The following DOK6 variants were observed in gnomAD, a reference collection of about 807,000 sequenced individuals.
DOK6 encodes the protein downstream of tyrosine kinase 6.
Under a neutral mutation model 44.0 loss-of-function variants are expected in DOK6, and 22 were observed. The observed-to-expected ratio is 0.50, with a 90% confidence interval of 0.36 to 0.71. The LOEUF (loss-of-function observed/expected upper bound fraction) is 0.71, where lower values mean the gene tolerates loss of function less well. DOK6 is among the 30% of genes least tolerant of loss of function. DOK6 has a pLI of 0.00. For missense variants in DOK6, 340 were observed against 416.4 expected, an observed-to-expected ratio of 0.82 and a Z score of 1.60; for synonymous variants, 166 against 145.5, an observed-to-expected ratio of 1.14 and a Z score of -1.01.
intron 3 of DOK6, among the ~76,000 whole-genome samples, chr18:69,628,152 C>T (rs2144643470): frequency 2.0e-5 from 3 of 152,050 alleles, no homozygotes; most frequent in Middle Eastern, 6.8e-3. Flanking sequence ...TCATTTTTTG[C>T]AAGGTAAATA....
At chr18:69,602,075 A>C (rs898822836) in intron 3 of DOK6, among the ~76,000 whole-genome samples, 2 of 152,210 alleles carry the variant, frequency 1.3e-5, no homozygotes, top group Non-Finnish European at 2.9e-5. Flanking sequence ...ATTTATGTAG[A>C]TGCTCTGTCC....
intron 7 of DOK6, among the ~76,000 whole-genome samples, chr18:69,813,997 G>A (rs1981322526): frequency 6.6e-6 from 1 of 152,084 alleles, no homozygotes; most frequent in South Asian, 2.1e-4. Context: ...GATTAAGCAT[G>A]TGACCTGCCA....
intron 6 of DOK6, among the ~76,000 whole-genome samples, chr18:69,753,711 T>C (rs1293733138): frequency 1.3e-5 from 2 of 152,196 alleles, no homozygotes; most frequent in East Asian, 3.9e-4. Context: ...GAGCATCGTT[T>C]CTAAATCCTG....
chr18:69,678,371 T>C (rs1985971866), intron 4 of DOK6, among the ~76,000 whole-genome samples: 1 of 152,242 alleles, frequency 6.6e-6, no homozygotes, highest in South Asian at 2.1e-4. Flanking sequence ...GTCTGTGGCA[T>C]TGCCTTTTAT....
intron 1 of DOK6, among the ~76,000 whole-genome samples, chr18:69,463,449 A>T (rs959792475): frequency 6.6e-6 from 1 of 151,956 alleles, no homozygotes; most frequent in Non-Finnish European, 1.5e-5. Flanking sequence ...ATTGCTGTTT[A>T]CTGTTGGCTT....
chr18:69,768,758 C>T (rs75446818), intron 7 of DOK6, among the ~76,000 whole-genome samples: 48 of 151,766 alleles, frequency 3.2e-4, no homozygotes, highest in African/African-American at 1.1e-3. Context: ...TGGATATGTC[C>T]TTCACATCTA....
intron 1 of DOK6, among the ~76,000 whole-genome samples, chr18:69,467,496 A>C (rs1436703694): frequency 2.0e-5 from 3 of 152,188 alleles, no homozygotes; most frequent in African/African-American, 7.2e-5. Context: ...CTTTAGGTTT[A>C]TGTGAAACAT....
At chr18:69,435,041 A>AAGGAAGGAGGGAAGGAAGGAAGGAC (rs1568256532) in intron 1 of DOK6, among the ~76,000 whole-genome samples, 1 of 43,412 alleles carries the variant, frequency 2.3e-5, no homozygotes, top group East Asian at 7.8e-4. Context: ...GAAGGAAGGA[A>AAGGAAGGAGGGAAGGAAGGAAGGAC]GGAAGGAAGG....
At position 69,739,042 on chromosome 18, in the gene DOK6, C is replaced by A. The variant is rs150709681; in HGVS notation, c.677C>A (p.Ala226Glu). The stretch of plus-strand genomic sequence containing the variant: ...ATGATCTATCAGAAGGTTCATTCTG[C>A]GACACTGGCCATAGCTGAGCAACAT... ...GEMIYQKVHSATLAIAEQHER... is the reference protein window; with the variant it reads ...GEMIYQKVHSETLAIAEQHER... Residue 226 changes from alanine (A) to glutamate (E), a missense_variant, in exon 6 of 8, where the codon GCG becomes GAG. Physicochemically the swap from Ala to Glu is moderately radical, Grantham distance 107. Coordinates refer to ENST00000382713, the MANE Select transcript of DOK6 (RefSeq NM_152721.6). 1.2e-6 allele frequency: 2 copies of A among 1,614,068 alleles called. No individual in the cohort carries two copies. The highest frequency in any genetic ancestry group is 2.2e-5 in the South Asian group (2 of 91,082).
At chr18:69,732,153 T>G (rs942611499) in intron 5 of DOK6, among the ~76,000 whole-genome samples, 3 of 152,220 alleles carry the variant, frequency 2.0e-5, no homozygotes, top group Non-Finnish European at 4.4e-5. Flanking sequence ...ATATTGATAA[T>G]TTTCATTTGC....
Position 69,698,443 on chromosome 18 carries a change from A to G in DOK6, c.449A>G (p.Asp150Gly), listed in dbSNP as rs1419448353. 6.2e-7 allele frequency: 1 copy of G among 1,613,802 alleles called. No individual in the cohort carries two copies. ...TATCTTATGCCTACACCAAACCTGG[A>G]TATTTATGGTGAATGCACAATGCAG... ...NVYLMPTPNLDIYGECTMQIT... is the reference protein window; with the variant it reads ...NVYLMPTPNLGIYGECTMQIT... Residue 150 changes from aspartate (D) to glycine (G), a missense_variant, in exon 5 of 8, where the codon GAT becomes GGT. Coordinates refer to ENST00000382713, the MANE Select transcript of DOK6 (RefSeq NM_152721.6).
At chr18:69,787,291 T>A (rs1445043001) in intron 7 of DOK6, among the ~76,000 whole-genome samples, 1 of 152,188 alleles carries the variant, frequency 6.6e-6, no homozygotes, top group East Asian at 1.9e-4. Flanking sequence ...AGCATCAAGA[T>A]CCAATATACT....
chr18:69,792,370 C>T (rs957814000), intron 7 of DOK6, among the ~76,000 whole-genome samples: 1 of 151,990 alleles, frequency 6.6e-6, no homozygotes. Context: ...TATTCCAATC[C>T]ATGAACATGG....
chr18:69,708,611 G>T (rs185245355), intron 5 of DOK6, among the ~76,000 whole-genome samples: 1 of 152,026 alleles, frequency 6.6e-6, no homozygotes, highest in African/African-American at 2.4e-5. Context: ...ATGGTGAAAT[G>T]CTGTCTTTAC....
intron 7 of DOK6, among the ~76,000 whole-genome samples, chr18:69,813,968 A>G (rs1981321336): frequency 6.6e-6 from 1 of 152,268 alleles, no homozygotes; most frequent in East Asian, 1.9e-4. Flanking sequence ...AAAGCAATAT[A>G]CATACATGTT....
intron 3 of DOK6, among the ~76,000 whole-genome samples, chr18:69,649,964 T>A (rs1233593032): frequency 1.3e-5 from 2 of 152,062 alleles, no homozygotes; most frequent in Non-Finnish European, 2.9e-5. Flanking sequence ...ATACATCTCT[T>A]ATGGGATCCC....
At chr18:69,556,947 T>G (rs538172350) in intron 1 of DOK6, among the ~76,000 whole-genome samples, 2 of 152,242 alleles carry the variant, frequency 1.3e-5, no homozygotes, top group African/African-American at 4.8e-5. Flanking sequence ...TAAGACCAAG[T>G]AACTGAAATT....
At chr18:69,702,576 C>T (rs534502723) in intron 5 of DOK6, among the ~76,000 whole-genome samples, 4 of 152,298 alleles carry the variant, frequency 2.6e-5, no homozygotes, top group African/African-American at 9.6e-5. Flanking sequence ...ACAAAATATA[C>T]CCCAATTTCA....
rs777743510 is a variant in DOK6, at chr18:69,739,120, G to A, written c.738+17G>A. Reference sequence around the variant, plus strand: ...AAGGCCCGGGTAAGGCCCCTTCCTTGGTAACCTATCAGCTTGGAAATGAAT... The same window carrying A: ...AAGGCCCGGGTAAGGCCCCTTCCTTAGTAACCTATCAGCTTGGAAATGAAT... On this transcript the variant is annotated intron_variant, in intron 6 of 7. Transcript: ENST00000382713. 2.0e-5 allele frequency: 32 copies of A among 1,613,020 alleles called. No individual in the cohort carries two copies. In the South Asian group the frequency reaches 2.4e-4, roughly 12 times the overall value.
Sources: gnomAD v4.1 joint callset for allele counts (sites outside exome capture counted in the v4.1 genomes callset) on GRCh38, gnomAD v4.1.1 for gene constraint, MANE v1.5 for transcripts, NCBI Gene and HGNC (gene_info 2026-07-23, HGNC 2026-07-21) for gene names.